Variants in SPAG16 observed in about 807,000 individuals in gnomAD.
The protein encoded by SPAG16 is sperm-associated antigen 16 protein.
A neutral mutation model predicts 80.4 loss-of-function variants in SPAG16; 86 were observed. That is an observed-to-expected ratio of 1.07 (90% CI 0.90 to 1.28). SPAG16 has a LOEUF of 1.28. Among genes scored for constraint, SPAG16 ranks in the 50% most tolerant of loss-of-function variants. The pLI is 0.00. For synonymous variants in SPAG16, 294 were observed against 265.9 expected, an observed-to-expected ratio of 1.11 and a Z score of -1.03; for missense variants, 870 against 765.3, an observed-to-expected ratio of 1.14 and a Z score of -1.61.
chr2:214,340,744 A>G (rs1156230448), intron 15 of SPAG16, among the ~76,000 whole-genome samples: 1 of 152,158 alleles, frequency 6.6e-6, no homozygotes, highest in Non-Finnish European at 1.5e-5. Flanking sequence ...ATATGGCTGT[A>G]ATTAAGGTGC....
At chr2:213,623,265 C>CT (rs1308138415) in intron 10 of SPAG16, among the ~76,000 whole-genome samples, 9 of 151,962 alleles carry the variant, frequency 5.9e-5, no homozygotes, top group African/African-American at 2.2e-4. Flanking sequence ...AGTGAAGGAG[C>CT]TACTGGTTTA....
chr2:213,878,072 A>G (rs1474450777), intron 11 of SPAG16, among the ~76,000 whole-genome samples: 1 of 152,152 alleles, frequency 6.6e-6, no homozygotes, highest in African/African-American at 2.4e-5. Flanking sequence ...GATTCAGAAT[A>G]CTTCTTCCTG....
chr2:214,191,119 A>G (rs1202715395), intron 15 of SPAG16, among the ~76,000 whole-genome samples: 1 of 152,114 alleles, frequency 6.6e-6, no homozygotes, highest in Non-Finnish European at 1.5e-5. Flanking sequence ...TCACAGAATG[A>G]CAGAATTGTA....
intron 13 of SPAG16, among the ~76,000 whole-genome samples, chr2:214,049,128 G>C (rs1048058218): frequency 4.1e-4 from 62 of 152,128 alleles, no homozygotes; most frequent in Non-Finnish European, 7.2e-4. Flanking sequence ...TAGAGATGAG[G>C]TCTACTATGT....
At chr2:214,000,928 G>A (rs1256622910) in intron 12 of SPAG16, among the ~76,000 whole-genome samples, 1 of 151,868 alleles carries the variant, frequency 6.6e-6, no homozygotes, top group Non-Finnish European at 1.5e-5. Flanking sequence ...ATGCTTGCTG[G>A]GCCCTTTACT....
At chr2:213,771,381 A>G (rs1559455494) in intron 10 of SPAG16, among the ~76,000 whole-genome samples, 1 of 151,974 alleles carries the variant, frequency 6.6e-6, no homozygotes, top group Non-Finnish European at 1.5e-5. Context: ...GATCACAAAA[A>G]CTTTCTCCTA....
chr2:214,148,936 T>C (rs1283606136), intron 14 of SPAG16, among the ~76,000 whole-genome samples: 1 of 151,716 alleles, frequency 6.6e-6, no homozygotes, highest in African/African-American at 2.4e-5. Context: ...AAAATAAAGT[T>C]ATTAACAACT....
intron 14 of SPAG16, among the ~76,000 whole-genome samples, chr2:214,114,357 C>A (rs2053826744): frequency 6.6e-6 from 1 of 152,250 alleles, no homozygotes; most frequent in Non-Finnish European, 1.5e-5. Context: ...GCACTGCTCT[C>A]TTCAGAGCTG....
chr2:214,005,740 A>G (rs906826934), intron 12 of SPAG16, among the ~76,000 whole-genome samples: 2 of 152,220 alleles, frequency 1.3e-5, no homozygotes, highest in African/African-American at 4.8e-5. Flanking sequence ...TTTCATTATA[A>G]AAGTATTCTT....
Position 213,658,784 on chromosome 2 carries a change from A to G in SPAG16, c.1070+168694A>G, listed in dbSNP as rs185880653. 1.8e-4 allele frequency among the ~76,000 whole-genome samples: 28 copies of G among 152,322 alleles called. 1 individual carries two copies. Among genetic ancestry groups the G allele is most frequent in the Admixed American group, 1.3e-3 (20 of 15,308 alleles). ...CCAGGCACTGTGGCTCACGCTTGTA[A>G]TTCCAGCACTTTAGGAGGCCAAGGT... On this transcript the variant is annotated intron_variant, in intron 10 of 15. Coordinates refer to ENST00000331683, the MANE Select transcript of SPAG16 (RefSeq NM_024532.5).
At chr2:213,335,697 T>C (rs1167224999) in intron 5 of SPAG16, among the ~76,000 whole-genome samples, 1 of 152,212 alleles carries the variant, frequency 6.6e-6, no homozygotes, top group South Asian at 2.1e-4. Context: ...GAATCAATAA[T>C]TTCTTGCACG....
chr2:213,938,995 G>A (rs2079096758), intron 12 of SPAG16, among the ~76,000 whole-genome samples: 1 of 151,970 alleles, frequency 6.6e-6, no homozygotes, highest in Admixed American at 6.6e-5. Context: ...TTGTTAACTT[G>A]TGTTCTGGGT....
intron 10 of SPAG16, among the ~76,000 whole-genome samples, chr2:213,801,760 C>T (rs981005708): frequency 7.9e-5 from 12 of 152,260 alleles, no homozygotes; most frequent in African/African-American, 2.9e-4. Context: ...TCATAAGCCA[C>T]TGAATTTACG....
intron 15 of SPAG16, among the ~76,000 whole-genome samples, chr2:214,318,398 T>TC (rs1308664760): frequency 1.4e-5 from 2 of 141,020 alleles, no homozygotes; most frequent in Non-Finnish European, 3.0e-5. Context: ...TTTTTTTTTT[T>TC]TGAGACAGGG....
chr2:213,500,710 G>C (rs1437754460), intron 10 of SPAG16, among the ~76,000 whole-genome samples: 1 of 152,180 alleles, frequency 6.6e-6, no homozygotes, highest in Non-Finnish European at 1.5e-5. Context: ...CTTAGAGTGG[G>C]GTGGTAGGTA....
intron 10 of SPAG16, among the ~76,000 whole-genome samples, chr2:213,736,959 G>C (rs1365846647): frequency 6.6e-6 from 1 of 152,050 alleles, no homozygotes; most frequent in Admixed American, 6.6e-5. Flanking sequence ...GCCCACCTCG[G>C]CCCCCCAAAG....
chr2:213,454,960 T>C (rs182421591), intron 9 of SPAG16, among the ~76,000 whole-genome samples: 93 of 152,364 alleles, frequency 6.1e-4, no homozygotes, highest in African/African-American at 2.2e-3. Context: ...CCTATAGTTT[T>C]GTTTGATTCT....
At chr2:214,151,267 A>G (rs1335618983) in intron 15 of SPAG16, among the ~76,000 whole-genome samples, 1 of 152,078 alleles carries the variant, frequency 6.6e-6, no homozygotes, top group Non-Finnish European at 1.5e-5. Context: ...GAAACTGGGG[A>G]AAACAAACAT....
At chr2:213,847,694 T>C (rs147112464) in intron 10 of SPAG16, among the ~76,000 whole-genome samples, 88 of 152,304 alleles carry the variant, frequency 5.8e-4, no homozygotes, top group African/African-American at 2.0e-3. Context: ...TGCATTCTTA[T>C]GCCTACATAA....
Sources: allele counts gnomAD v4.1 joint callset (sites outside exome capture counted in the v4.1 genomes callset), GRCh38; gene constraint gnomAD v4.1.1; transcripts MANE v1.5; gene names NCBI Gene and HGNC (gene_info 2026-07-23, HGNC 2026-07-21).